The following UVSSA variants were observed in gnomAD, a reference collection of about 807,000 sequenced individuals.
UVSSA encodes the protein UV-stimulated scaffold protein A.
In UVSSA, 72 loss-of-function variants were observed where a neutral mutation model predicts 73.9. That is an observed-to-expected ratio of 0.97 (90% CI 0.81 to 1.19). The LOEUF is 1.19. Among genes scored for constraint, UVSSA ranks in the 50% most tolerant of loss-of-function variants. The probability of loss-of-function intolerance (pLI) is 0.00; values close to 1 mark genes in which losing one functional copy is unlikely to be tolerated. For missense variants in UVSSA, 1,150 were observed against 965.0 expected, an observed-to-expected ratio of 1.19 and a Z score of -2.54; for synonymous variants, 454 against 391.3, an observed-to-expected ratio of 1.16 and a Z score of -1.89.
At chr4:1,374,109 G>A (rs1206473943) in intron 8 of UVSSA, among the ~76,000 whole-genome samples, 3 of 152,166 alleles carry the variant, frequency 2.0e-5, no homozygotes, top group East Asian at 1.9e-4. Flanking sequence ...CGCCTTGCTC[G>A]GTCTGTTTTC....
At chr4:1,347,938 A>G (rs1713970032) in intron 1 of UVSSA, 152 bp from the exon 2 acceptor site, 1 of 665,704 alleles carries the variant, frequency 1.5e-6, no homozygotes, top group Non-Finnish European at 2.7e-6. Flanking sequence ...CTGGACACAC[A>G]TATTTCCCAG....
intron 8 of UVSSA, among the ~76,000 whole-genome samples, chr4:1,367,488 T>C (rs1424743456): frequency 6.6e-6 from 1 of 152,242 alleles, no homozygotes; most frequent in Non-Finnish European, 1.5e-5. Flanking sequence ...TCATGCCGAA[T>C]TAGCACAGCC....
At position 1,383,678 on chromosome 4, in the gene UVSSA, C is replaced by T. The variant is rs755433112; in HGVS notation, c.1862-88C>T. 4.6e-4 allele frequency: 717 copies of T among 1,543,612 alleles called. 1 individual carries two copies. The highest frequency in any genetic ancestry group is 5.8e-4 in the Non-Finnish European group (662 of 1,131,914). ...AGGCGACCCAGCCCCCCTGTCAGGACGAGACCAAGAGCCCCTCCTGGGGGC... is the reference window on the plus strand; with the variant it reads ...AGGCGACCCAGCCCCCCTGTCAGGATGAGACCAAGAGCCCCTCCTGGGGGC... On this transcript the variant is annotated intron_variant, in intron 12 of 13. Transcript: ENST00000389851.
chr4:1,347,937 C>T (rs1313902887), intron 1 of UVSSA, 153 bp from the exon 2 acceptor site: 3 of 661,692 alleles, frequency 4.5e-6, no homozygotes, highest in Non-Finnish European at 8.0e-6. Flanking sequence ...GCTGGACACA[C>T]ATATTTCCCA....
chr4:1,385,940 G>T lies in UVSSA; in HGVS notation c.2109G>T (p.Gln703His). The stretch of plus-strand genomic sequence containing the variant: ...AGAAGCACGAGAAGTTTTCAAACCA[G>T]TTTAACTACGCACTGAACTAGAGAG... ...DQKKHEKFSN[Q>H]FNYALN Residue 703 changes from glutamine (Q) to histidine (H), a missense_variant, in exon 14 of 14, where the codon CAG becomes CAT. Transcript: ENST00000389851. 6.2e-7 allele frequency: 1 copy of T among 1,614,066 alleles called. No individual in the cohort carries two copies.
intron 8 of UVSSA, among the ~76,000 whole-genome samples, chr4:1,370,195 C>T (rs189447833): frequency 1.4e-4 from 21 of 152,294 alleles, no homozygotes; most frequent in Non-Finnish European, 2.8e-4. Context: ...CTTTTGGCTG[C>T]GATTGTATCT....
intron 13 of UVSSA, chr4:1,384,185 G>A (rs995570787): frequency 9.8e-6 from 5 of 512,792 alleles, no homozygotes; most frequent in South Asian, 5.2e-5. Context: ...GGGCTCGACC[G>A]CCAGGCACCG....
At chr4:1,395,710 C>T in exon 14 of UVSSA, 1 of 1,614,180 alleles carries the variant, frequency 6.2e-7, no homozygotes. Context: ...TCACACAAAG[C>T]CCTGGCATGG....
At chr4:1,388,833 T>C (rs1720332707), downstream of UVSSA, 4 of 152,262 alleles carry the variant, frequency 2.6e-5, no homozygotes, top group African/African-American at 7.2e-5. Context: ...ATCCTTTTTC[T>C]ATGCTGCTGG....
At chr4:1,377,441 G>A (rs905202588) in intron 10 of UVSSA, among the ~76,000 whole-genome samples, 2 of 152,200 alleles carry the variant, frequency 1.3e-5, no homozygotes, top group African/African-American at 4.8e-5. Context: ...ATTAGGGACA[G>A]TGTGAGGAGG....
chr4:1,371,380 C>T (rs2109236129), intron 8 of UVSSA, among the ~76,000 whole-genome samples: 1 of 152,228 alleles, frequency 6.6e-6, no homozygotes, highest in East Asian at 1.9e-4. Context: ...TCTCAGGACA[C>T]AGTCTGGGCG....
At chr4:1,383,213 T>C (rs1384119615) in intron 12 of UVSSA, among the ~76,000 whole-genome samples, 1 of 152,220 alleles carries the variant, frequency 6.6e-6, no homozygotes, top group Non-Finnish European at 1.5e-5. Context: ...CCTGCATTTC[T>C]GAGGCCTGAG....
chr4:1,371,664 A>G (rs574001122), intron 8 of UVSSA, among the ~76,000 whole-genome samples: 3 of 152,300 alleles, frequency 2.0e-5, no homozygotes, highest in African/African-American at 7.2e-5. Context: ...AGGCAGGGAG[A>G]GGGCTTGTGC....
intron 8 of UVSSA, among the ~76,000 whole-genome samples, chr4:1,372,550 C>T (rs1449177265): frequency 2.0e-5 from 3 of 152,206 alleles, no homozygotes; most frequent in Non-Finnish European, 4.4e-5. Flanking sequence ...CACGTGTGGC[C>T]TCCTTCCACC....
Position 1,380,960 on chromosome 4 carries a change from G to T in UVSSA, c.1833G>T (p.Arg611=). The part of the protein sequence containing the change: ...LDPEDRAREQ[R]RQLQKQERPE... Reference sequence around the variant, plus strand: ...CGGAAGACAGGGCTCGTGAGCAGCGGCGGCAGCTGCAGAAGCAGGAGCGCC... The same window carrying T: ...CGGAAGACAGGGCTCGTGAGCAGCGTCGGCAGCTGCAGAAGCAGGAGCGCC... Residue 611 remains arginine (R), a synonymous_variant, in exon 12 of 14, where the codon CGG becomes CGT. Coordinates refer to ENST00000389851, the MANE Select transcript of UVSSA (RefSeq NM_020894.4). 6.2e-7 allele frequency: 1 copy of T among 1,612,728 alleles called. No individual in the cohort carries two copies. Among genetic ancestry groups the T allele is most frequent in the Non-Finnish European group, 8.5e-7 (1 of 1,179,900 alleles).
intron 8 of UVSSA, among the ~76,000 whole-genome samples, chr4:1,372,639 G>A (rs564616427): frequency 7.4e-6 from 1 of 134,516 alleles, no homozygotes; most frequent in South Asian, 2.4e-4. Flanking sequence ...ACAGGCGAGA[G>A]TCAACTTTAC....
chr4:1,385,385 T>A (rs1719995701), intron 13 of UVSSA: 1 of 205,120 alleles, frequency 4.9e-6, no homozygotes, highest in South Asian at 8.4e-5. Flanking sequence ...GCACACCTCA[T>A]CCTGCTCCCC....
chr4:1,356,647 CAT>C (rs1278119788), intron 7 of UVSSA: 1 of 152,324 alleles, frequency 6.6e-6, no homozygotes, highest in Non-Finnish European at 1.5e-5. Context: ...GCCCACTGCC[CAT>C]GCCCAGCACA....
At chr4:1,355,018 A>AC in intron 6 of UVSSA, 99 bp from the exon 7 acceptor site, 16 of 1,543,548 alleles carry the variant, frequency 1.0e-5, no homozygotes, top group South Asian at 4.9e-5. Context: ...TGTGCCAGGG[A>AC]CCCCCCGGGC....
Sources: allele counts gnomAD v4.1 joint callset (sites outside exome capture counted in the v4.1 genomes callset), GRCh38; gene constraint gnomAD v4.1.1; transcripts MANE v1.5; gene names NCBI Gene and HGNC (gene_info 2026-07-23, HGNC 2026-07-21).